Variants in ARHGEF4 observed in about 807,000 individuals in gnomAD.
ARHGEF4 encodes Rho guanine nucleotide exchange factor 4.
A neutral mutation model predicts 162.0 loss-of-function variants in ARHGEF4; 119 were observed. The observed-to-expected ratio is 0.73, with a 90% CI of 0.63 to 0.86. The LOEUF is 0.86. ARHGEF4 is among the 40% of genes least tolerant of loss of function. The pLI is 0.00. For missense variants in ARHGEF4, 2,488 were observed against 2,456.0 expected (o/e 1.01, Z -0.28); for synonymous variants, 1,014 against 979.9 (o/e 1.03, Z -0.65).
At chr2:130,987,578 GCTA>G (rs1425840581) in intron 4 of ARHGEF4, among the ~76,000 whole-genome samples, 1 of 152,066 alleles carries the variant, frequency 6.6e-6, no homozygotes, top group African/African-American at 2.4e-5. Context: ...CCCATTATTG[GCTA>G]CTTTTAGAAT....
At chr2:130,883,239 G>A (rs1679307087) in intron 1 of ARHGEF4, among the ~76,000 whole-genome samples, 2 of 152,054 alleles carry the variant, frequency 1.3e-5, no homozygotes, top group Admixed American at 6.5e-5. Context: ...GACTTAAGAG[G>A]GTGGCCAGTG....
At chr2:130,892,028 G>A (rs754299564) in intron 1 of ARHGEF4, among the ~76,000 whole-genome samples, 10 of 152,122 alleles carry the variant, frequency 6.6e-5, no homozygotes, top group Non-Finnish European at 1.5e-4. Flanking sequence ...AAATTTTATA[G>A]AGACAGGGTT....
At chr2:131,011,769 G>T in intron 4 of ARHGEF4, 1 of 930,140 alleles carries the variant, frequency 1.1e-6, no homozygotes, top group Non-Finnish European at 1.7e-6. Flanking sequence ...CAGCTCTCAG[G>T]CAGAGGAATG....
chr2:131,017,625 A>G (rs997576358), intron 4 of ARHGEF4, among the ~76,000 whole-genome samples: 1 of 152,034 alleles, frequency 6.6e-6, no homozygotes, highest in South Asian at 2.1e-4. Context: ...TCGAGAGACC[A>G]TTGCTTTTAA....
chr2:130,847,498 C>T (rs1278953684), intron 1 of ARHGEF4, among the ~76,000 whole-genome samples: 8 of 152,172 alleles, frequency 5.3e-5, no homozygotes, highest in Non-Finnish European at 8.8e-5. Flanking sequence ...ATCTGTAAAA[C>T]GAGGATAATG....
In ARHGEF4 at chr2:130,914,669, G is replaced by T; in HGVS notation, c.723G>T (p.Trp241Cys). 1 of 1,388,690 alleles carries T rather than the reference G, an allele frequency of 7.2e-7. No homozygotes were observed. The highest frequency in any genetic ancestry group is 1.4e-5 in the African/African-American group (1 of 69,074). The allele number at this position is 1,388,690 out of a possible 1,614,324, so 86.0% of individuals were successfully genotyped here. A position where few individuals can be genotyped will look rare whatever the true frequency, so the allele number is the denominator to read the frequency against. Residue 241 changes from tryptophan to cysteine, a missense_variant, in exon 2 of 14, where the codon TGG becomes TGT. Physicochemically the swap from Trp to Cys is radical, Grantham distance 215 (BLOSUM62 -2). Transcript: ENST00000409359. ...LLWCCELGRS[W>C]PHIHNRARAL... ...GGTGCTGTGAACTGGGTCGGAGTTG[G>T]CCACATATCCACAACAGGGCCAGGG...
At chr2:130,892,977 T>A (rs1054531942) in intron 1 of ARHGEF4, among the ~76,000 whole-genome samples, 7 of 152,218 alleles carry the variant, frequency 4.6e-5, no homozygotes, top group African/African-American at 1.7e-4. Context: ...TTTACTTTCC[T>A]GTTTACGGGA....
chr2:131,046,037 G>T lies in ARHGEF4; in HGVS notation c.5480-1G>T. Reference sequence around the variant, plus strand: ...ACCCTCTGCTGTCTCTCCCTGTTCAGCTGTTGGCCGGCCCTGCTACCTGAC... The same window carrying T: ...ACCCTCTGCTGTCTCTCCCTGTTCATCTGTTGGCCGGCCCTGCTACCTGAC... On this transcript the variant is annotated splice_acceptor_variant, in intron 13 of 13. Transcript: ENST00000409359. LOFTEE classifies it high-confidence loss of function. The T allele has an allele frequency of 6.2e-7, 1 of 1,610,058 alleles. No individual in the cohort carries two copies. The highest frequency in any genetic ancestry group is 1.1e-5 in the South Asian group (1 of 90,800).
intron 11 of ARHGEF4, 45 bp from the exon 12 acceptor site, chr2:131,044,254 C>T: frequency 6.2e-7 from 1 of 1,602,478 alleles, no homozygotes; most frequent in Non-Finnish European, 8.5e-7. Flanking sequence ...AGGAAATGGT[C>T]AGGGGAGCGG....
At chr2:130,898,438 C>A (rs1223785358) in intron 1 of ARHGEF4, among the ~76,000 whole-genome samples, 2 of 152,166 alleles carry the variant, frequency 1.3e-5, no homozygotes, top group Non-Finnish European at 2.9e-5. Context: ...TTCTTCATGT[C>A]CCTAGTGCCA....
chr2:130,912,652 A>G (rs1681257458), intron 1 of ARHGEF4, among the ~76,000 whole-genome samples: 2 of 152,012 alleles, frequency 1.3e-5, no homozygotes, highest in Admixed American at 6.6e-5. Context: ...TTCGTGAGCA[A>G]TGGGGCTGAG....
intron 4 of ARHGEF4, among the ~76,000 whole-genome samples, chr2:130,964,442 A>T (rs1684862074): frequency 6.6e-6 from 1 of 151,076 alleles, no homozygotes; most frequent in Non-Finnish European, 1.5e-5. Flanking sequence ...TCTGATTCCC[A>T]CTGCCTGTCT....
At chr2:130,930,538 G>A (rs1368648046) in intron 2 of ARHGEF4, among the ~76,000 whole-genome samples, 1 of 152,300 alleles carries the variant, frequency 6.6e-6, no homozygotes, top group East Asian at 1.9e-4. Context: ...AGTCAAGCTA[G>A]AAGAGGTACT....
intron 1 of ARHGEF4, among the ~76,000 whole-genome samples, chr2:130,867,728 G>A (rs866801983): frequency 6.6e-6 from 1 of 151,852 alleles, no homozygotes; most frequent in Non-Finnish European, 1.5e-5. Flanking sequence ...TCTCATCTGT[G>A]CCCTCATGCC....
At chr2:130,908,230 A>G (rs942716994) in intron 1 of ARHGEF4, among the ~76,000 whole-genome samples, 11 of 152,196 alleles carry the variant, frequency 7.2e-5, no homozygotes, top group Non-Finnish European at 1.6e-4. Flanking sequence ...AAGGGATCAC[A>G]TTATTGACTT....
chr2:131,035,831 C>G, intron 5 of ARHGEF4: 6 of 985,390 alleles, frequency 6.1e-6, no homozygotes, highest in Non-Finnish European at 7.2e-6. Context: ...CCACCCTGCA[C>G]GTCTGGTAGG....
At chr2:131,022,952 ACT>A (rs985299832) in intron 4 of ARHGEF4, among the ~76,000 whole-genome samples, 2 of 151,144 alleles carry the variant, frequency 1.3e-5, no homozygotes, top group Non-Finnish European at 2.9e-5. Context: ...TATATAAAGA[ACT>A]CTCTGAGCCA....
intron 5 of ARHGEF4, among the ~76,000 whole-genome samples, chr2:131,032,172 C>A (rs978319903): frequency 1.3e-5 from 2 of 151,914 alleles, no homozygotes; most frequent in African/African-American, 4.8e-5. Flanking sequence ...AGGTGTCTGG[C>A]GCACTGATAG....
Position 130,931,213 on chromosome 2 carries a change from G to A in ARHGEF4, c.3814G>A (p.Glu1272Lys), listed in dbSNP as rs77246402. The stretch of plus-strand genomic sequence containing the variant: ...GAAGTTGCAGAAGCAGGCCCACGTC[G>A]AAAGGAGGCTGCACATAGGGGCAGT... ...RKKLQKQAHV[E>K]RRLHIGAVHK... Residue 1272 changes from glutamate to lysine, a missense_variant, in exon 3 of 14, where the codon GAA becomes AAA. Coordinates refer to ENST00000409359, the MANE Select transcript of ARHGEF4 (RefSeq NM_001367493.1). 646 of 1,613,564 alleles carry A rather than the reference G, an allele frequency of 4.0e-4. 5 individuals are homozygous for A. The African/African-American group carries it at 7.4e-3, about 19-fold the overall frequency.
Sources: allele counts gnomAD v4.1 joint callset (sites outside exome capture counted in the v4.1 genomes callset), GRCh38; gene constraint gnomAD v4.1.1; transcripts MANE v1.5; gene names NCBI Gene and HGNC (gene_info 2026-07-23, HGNC 2026-07-21).